Variants in PSD3 observed in about 807,000 individuals in gnomAD.
PSD3 encodes the protein PH and SEC7 domain-containing protein 3.
Under a neutral mutation model 105.5 loss-of-function variants are expected in PSD3, and 49 were observed. The ratio of observed to expected loss-of-function variants is 0.46; its 90% confidence interval spans 0.37 to 0.59. The LOEUF is 0.59. PSD3 is among the 20% of genes least tolerant of loss of function. PSD3 has a pLI of 0.00. For missense variants in PSD3, 1,561 were observed against 1,263.8 expected, an observed-to-expected ratio of 1.24 and a Z score of -3.57; for synonymous variants, 557 against 457.8, an observed-to-expected ratio of 1.22 and a Z score of -2.77.
At chr8:18,837,632 T>C (rs1814220116) in intron 4 of PSD3, among the ~76,000 whole-genome samples, 1 of 152,146 alleles carries the variant, frequency 6.6e-6, no homozygotes, top group African/African-American at 2.4e-5. Flanking sequence ...GTAACTGAAA[T>C]GAGACTAAAC....
intron 4 of PSD3, among the ~76,000 whole-genome samples, chr8:18,827,250 G>C (rs762231735): frequency 6.6e-6 from 1 of 152,168 alleles, no homozygotes; most frequent in Non-Finnish European, 1.5e-5. Flanking sequence ...AATGGGAAAA[G>C]GTTACACCAC....
Position 18,535,691 on chromosome 8 carries a change from T to A in PSD3, c.*52A>T. On this transcript the variant is annotated 3_prime_UTR_variant, in exon 16 of 16. Transcript: ENST00000327040. ...TATTCACGGATTACCAGAAAGATCT[T>A]GAAAAACCCTATTTTGCTCCATGAC... 1 of 1,455,282 alleles carries A rather than the reference T, an allele frequency of 6.9e-7. No individual in the cohort carries two copies. Among genetic ancestry groups the A allele is most frequent in the Non-Finnish European group, 9.6e-7 (1 of 1,038,634 alleles). The allele number at this position is 1,455,282 out of a possible 1,614,324, so 90.1% of individuals were successfully genotyped here.
chr8:18,840,304 A>G (rs1814511576), intron 4 of PSD3, among the ~76,000 whole-genome samples: 1 of 152,166 alleles, frequency 6.6e-6, no homozygotes, highest in Non-Finnish European at 1.5e-5. Flanking sequence ...AAATGTCTCA[A>G]ACACTTGTGA....
At chr8:18,819,436 C>G (rs374164876) in intron 4 of PSD3, among the ~76,000 whole-genome samples, 115 of 152,134 alleles carry the variant, frequency 7.6e-4, no homozygotes, top group African/African-American at 2.7e-3. Flanking sequence ...AAAGCCCTCC[C>G]CAAACTCTTC....
chr8:18,827,100 C>T (rs1185836358), intron 4 of PSD3, among the ~76,000 whole-genome samples: 2 of 152,166 alleles, frequency 1.3e-5, no homozygotes, highest in Non-Finnish European at 2.9e-5. Flanking sequence ...AGCATGCATC[C>T]ACACCTCCTG....
At chr8:19,045,061 A>C (rs1366503659) in intron 1 of PSD3, among the ~76,000 whole-genome samples, 2 of 152,056 alleles carry the variant, frequency 1.3e-5, no homozygotes, top group Non-Finnish European at 2.9e-5. Context: ...GGTGCACACC[A>C]GTAGTCCCAG....
At chr8:19,047,586 A>G (rs1828368257) in intron 1 of PSD3, among the ~76,000 whole-genome samples, 1 of 152,092 alleles carries the variant, frequency 6.6e-6, no homozygotes, top group Non-Finnish European at 1.5e-5. Flanking sequence ...AGGGAAACAC[A>G]ATCTTTGCTT....
intron 8 of PSD3, among the ~76,000 whole-genome samples, chr8:18,766,660 C>T (rs891593425): frequency 6.6e-6 from 1 of 152,206 alleles, no homozygotes; most frequent in African/African-American, 2.4e-5. Flanking sequence ...AACAAGTTAG[C>T]CTGTCACAAG....
At chr8:18,837,142 A>T (rs187367382) in intron 4 of PSD3, among the ~76,000 whole-genome samples, 464 of 152,270 alleles carry the variant, frequency 3.0e-3, no homozygotes, top group African/African-American at 0.011. Flanking sequence ...AGTGACAGAG[A>T]CAGCATATAT....
intron 2 of PSD3, among the ~76,000 whole-genome samples, chr8:18,920,702 G>C (rs553627326): frequency 6.6e-6 from 1 of 152,000 alleles, no homozygotes. Context: ...CAGGACATTC[G>C]AGGCCATACA....
At chr8:18,671,881 T>A (rs1279902299) in intron 9 of PSD3, among the ~76,000 whole-genome samples, 1 of 152,168 alleles carries the variant, frequency 6.6e-6, no homozygotes, top group Non-Finnish European at 1.5e-5. Context: ...TCCGCCCGCC[T>A]TGGCCTCCCA....
intron 2 of PSD3, among the ~76,000 whole-genome samples, chr8:18,892,324 T>C (rs969564381): frequency 1.3e-5 from 2 of 150,888 alleles, no homozygotes; most frequent in South Asian, 2.1e-4. Flanking sequence ...CCTGGGTTCA[T>C]GCCATTCTCC....
At position 18,628,335 on chromosome 8, in the gene PSD3, G is replaced by A. The variant is rs77620354; in HGVS notation, c.2410+4278C>T. 5.3e-3 allele frequency among the ~76,000 whole-genome samples: 801 copies of A among 152,072 alleles called. 3 individuals carry two copies. Among genetic ancestry groups the A allele is most frequent in the African/African-American group, 0.019 (772 of 41,514 alleles). Reference sequence around the variant, plus strand: ...TAGAAAAATCTTGAAAGCATTCATAGTAGCAGAAAAAGCCATCTTGGGTGC... The same window carrying A: ...TAGAAAAATCTTGAAAGCATTCATAATAGCAGAAAAAGCCATCTTGGGTGC... On this transcript the variant is annotated intron_variant, in intron 11 of 15. Transcript: ENST00000327040.
intron 4 of PSD3, among the ~76,000 whole-genome samples, chr8:18,856,300 G>A (rs1363374601): frequency 6.6e-6 from 1 of 152,180 alleles, no homozygotes; most frequent in African/African-American, 2.4e-5. Context: ...TGATCTGCCT[G>A]TTTGGGAGAC....
chr8:18,666,323 T>A (rs369392882), intron 9 of PSD3, among the ~76,000 whole-genome samples: 1 of 152,250 alleles, frequency 6.6e-6, no homozygotes, highest in African/African-American at 2.4e-5. Context: ...AGTTCTGTGA[T>A]TAAAGGCGTG....
At chr8:19,015,081 G>A (rs1425032305), upstream of PSD3, among the ~76,000 whole-genome samples, 1 of 152,106 alleles carries the variant, frequency 6.6e-6, no homozygotes, top group Admixed American at 6.6e-5. Flanking sequence ...TGTAAGTCCC[G>A]CAGTTCCCAG....
intron 2 of PSD3, among the ~76,000 whole-genome samples, chr8:18,873,503 G>A (rs544526505): frequency 2.6e-5 from 4 of 151,886 alleles, no homozygotes; most frequent in African/African-American, 4.8e-5. Flanking sequence ...TAATATATGC[G>A]TACCTTTGTA....
In PSD3 at chr8:18,767,804, C is replaced by A. The variant is rs535774238; in HGVS notation, c.2083-2266G>T. Among the ~76,000 whole-genome samples, 22 of 151,974 alleles carry A rather than the reference C, an allele frequency of 1.4e-4. 2 individuals are homozygous for A. In the South Asian group the frequency reaches 4.4e-3, roughly 30 times the overall value. The stretch of plus-strand genomic sequence containing the variant: ...CCAACCAACCAAATAAATAAATATA[C>A]CTGCATACACTACTACTATGCATAA... On this transcript the variant is annotated intron_variant, in intron 8 of 15. Coordinates refer to ENST00000327040, the MANE Select transcript of PSD3 (RefSeq NM_015310.4).
At chr8:18,752,898 T>C (rs1252619055) in intron 9 of PSD3, among the ~76,000 whole-genome samples, 3 of 151,318 alleles carry the variant, frequency 2.0e-5, no homozygotes, top group Non-Finnish European at 4.4e-5. Context: ...ATAATTGCTT[T>C]TGATTGCTTT....
Sources: gnomAD v4.1 joint callset for allele counts (sites outside exome capture counted in the v4.1 genomes callset) on GRCh38, gnomAD v4.1.1 for gene constraint, MANE v1.5 for transcripts, NCBI Gene and HGNC (gene_info 2026-07-23, HGNC 2026-07-21) for gene names.